The following TLK2 variants were observed in gnomAD, a reference collection of about 807,000 sequenced individuals.
TLK2 encodes the protein tousled like kinase 2, also known as serine/threonine-protein kinase tousled-like 2.
TLK2 carries 6 observed loss-of-function variants against 117.3 expected under a neutral mutation model. The ratio of observed to expected loss-of-function variants is 0.05; its 90% CI spans 0.03 to 0.10. TLK2 has a LOEUF of 0.10. Among genes scored for constraint, TLK2 ranks in the 10% least tolerant of loss-of-function variants. TLK2 has a pLI of 1.00. For missense variants in TLK2, 299 were observed against 901.2 expected (o/e 0.33, Z 8.56); for synonymous variants, 257 against 316.7 (o/e 0.81, Z 2.00).
chr17:62,614,922 C>A lies in TLK2; in HGVS notation c.*2357C>A, dbSNP rs552098406. 6.6e-6 allele frequency: 1 copy of A among 152,192 alleles called. No homozygotes were observed. The highest frequency in any genetic ancestry group is 2.1e-4 in the South Asian group (1 of 4,826). 9.4% of individuals were successfully genotyped at this position (152,192 alleles called of 1,614,324 possible). ...AACAATGAAGTTCTATTCCTTTTTT[C>A]TTCCTCTCCAATGATCTTGCAGTTG... On this transcript the variant is annotated 3_prime_UTR_variant, in exon 22 of 22. Transcript: ENST00000346027.
chr17:62,477,739 G>A (rs952133899), upstream of TLK2: 2 of 152,292 alleles, frequency 1.3e-5, no homozygotes, highest in African/African-American at 4.8e-5. Context: ...CAGGGGCGCC[G>A]GTGAAGAGTG....
intron 7 of TLK2, among the ~76,000 whole-genome samples, chr17:62,544,720 C>A (rs1348774112): frequency 1.3e-5 from 2 of 152,164 alleles, no homozygotes; most frequent in Non-Finnish European, 2.9e-5. Flanking sequence ...TTTTTAAGAT[C>A]ATCCTTTCAG....
At chr17:62,506,851 G>T (rs927213697) in intron 2 of TLK2, among the ~76,000 whole-genome samples, 2 of 152,102 alleles carry the variant, frequency 1.3e-5, no homozygotes, top group South Asian at 2.1e-4. Flanking sequence ...GTTGCATATG[G>T]CTAGTGCTTC....
intron 16 of TLK2, among the ~76,000 whole-genome samples, chr17:62,593,264 G>A (rs1181627929): frequency 6.6e-6 from 1 of 152,176 alleles, no homozygotes. Flanking sequence ...TGTTCTGGGT[G>A]AGTCAGAGTC....
At chr17:62,478,775 G>T, upstream of TLK2, among the ~76,000 whole-genome samples, 1 of 139,428 alleles carries the variant, frequency 7.2e-6, no homozygotes, top group Non-Finnish European at 1.5e-5. Context: ...TCCCAGCCGT[G>T]CAAATCTCGC....
chr17:62,501,659 A>T (rs1362124883), intron 2 of TLK2, among the ~76,000 whole-genome samples: 3 of 152,060 alleles, frequency 2.0e-5, no homozygotes, highest in African/African-American at 7.2e-5. Context: ...CAGAAATTGG[A>T]TTAAAAATCT....
intron 21 of TLK2, among the ~76,000 whole-genome samples, chr17:62,611,783 T>C (rs1477012233): frequency 6.6e-6 from 1 of 152,242 alleles, no homozygotes; most frequent in African/African-American, 2.4e-5. Flanking sequence ...TAAAACTACA[T>C]AGCCTCCATA....
intron 11 of TLK2, among the ~76,000 whole-genome samples, chr17:62,568,467 C>T (rs1159743028): frequency 6.6e-6 from 1 of 151,516 alleles, no homozygotes; most frequent in African/African-American, 2.4e-5. Flanking sequence ...GGGATTTGAC[C>T]TGTGTACAAA....
intron 2 of TLK2, among the ~76,000 whole-genome samples, chr17:62,503,099 G>A (rs113206203): frequency 0.049 from 5,932 of 120,926 alleles, 124 homozygotes; most frequent in Middle Eastern, 0.17. Context: ...TCGCTCTCTC[G>A]CCCAGGCTGG....
intron 2 of TLK2, among the ~76,000 whole-genome samples, chr17:62,509,806 G>C (rs1360061679): frequency 2.0e-5 from 3 of 152,136 alleles, no homozygotes; most frequent in African/African-American, 7.2e-5. Context: ...GTCCCCTCTT[G>C]CCCTTCTGCC....
upstream of TLK2, among the ~76,000 whole-genome samples, chr17:62,478,603 G>C (rs2071200262): frequency 6.6e-6 from 1 of 150,764 alleles, no homozygotes; most frequent in South Asian, 2.1e-4. Flanking sequence ...GGCTTCCTCC[G>C]CCGGCGCGGG....
At chr17:62,496,618 A>G (rs556460827) in intron 2 of TLK2, among the ~76,000 whole-genome samples, 12 of 152,250 alleles carry the variant, frequency 7.9e-5, no homozygotes, top group African/African-American at 2.9e-4. Context: ...ACATGGATGT[A>G]TATTTTTCTT....
Position 62,573,711 on chromosome 17 carries a change from T to C in TLK2, c.1121+344T>C, listed in dbSNP as rs74639267. Among the ~76,000 whole-genome samples the C allele has an allele frequency of 3.3e-5, 5 of 152,344 alleles. No individual in the cohort carries two copies. In the East Asian group the frequency reaches 7.7e-4, roughly 23 times the overall value. On this transcript the variant is annotated intron_variant, in intron 12 of 21. Transcript: ENST00000346027. ...GGTGTGGTACACTAGTATCATCTTA[T>C]GGGAGTTACCTGGCTGTTATTTCAG...
chr17:62,530,982 T>G (rs1196484228), intron 6 of TLK2, among the ~76,000 whole-genome samples: 1 of 152,186 alleles, frequency 6.6e-6, no homozygotes, highest in Non-Finnish European at 1.5e-5. Flanking sequence ...GTCATTTGCC[T>G]GTTGTTTCTT....
At chr17:62,542,583 A>T (rs998610401) in intron 7 of TLK2, among the ~76,000 whole-genome samples, 5 of 152,208 alleles carry the variant, frequency 3.3e-5, no homozygotes, top group African/African-American at 4.8e-5. Context: ...TTTGTAAATT[A>T]TTCTAAGACT....
chr17:62,499,975 G>A (rs1181869612), intron 2 of TLK2, among the ~76,000 whole-genome samples: 1 of 152,094 alleles, frequency 6.6e-6, no homozygotes, highest in Non-Finnish European at 1.5e-5. Context: ...CGTTCTTACA[G>A]AACTTTTTAG....
intron 12 of TLK2, among the ~76,000 whole-genome samples, chr17:62,575,945 T>G (rs2146673923): frequency 6.6e-6 from 1 of 152,250 alleles, no homozygotes; most frequent in East Asian, 1.9e-4. Context: ...TCCTTCCCGC[T>G]CAGCTTCCCA....
At chr17:62,586,277 T>G in intron 16 of TLK2, 51 bp downstream of exon 16, 1 of 1,310,886 alleles carries the variant, frequency 7.6e-7, no homozygotes. Context: ...ATACCTGTAG[T>G]TTGAGCATTA....
chr17:62,488,710 T>C (rs1333253220), intron 2 of TLK2, among the ~76,000 whole-genome samples: 1 of 152,214 alleles, frequency 6.6e-6, no homozygotes, highest in African/African-American at 2.4e-5. Flanking sequence ...TCTTGCACTC[T>C]TTCTGTTCTT....
Sources: gnomAD v4.1 joint callset for allele counts (sites outside exome capture counted in the v4.1 genomes callset) on GRCh38, gnomAD v4.1.1 for gene constraint, MANE v1.5 for transcripts, NCBI Gene and HGNC (gene_info 2026-07-23, HGNC 2026-07-21) for gene names.